NKAIN3: variants seen among roughly 807,000 people sequenced by gnomAD.
NKAIN3 encodes sodium/potassium transporting ATPase interacting 3, also known as sodium/potassium-transporting ATPase subunit beta-1-interacting protein 3.
A neutral mutation model predicts 30.2 loss-of-function variants in NKAIN3; 25 were observed. The observed-to-expected ratio is 0.83, with a 90% CI of 0.60 to 1.16. NKAIN3 has a LOEUF of 1.16. NKAIN3 is among the 50% of genes most tolerant of loss of function. NKAIN3 has a pLI of 0.00. For missense variants in NKAIN3, 225 were observed against 254.1 expected, an observed-to-expected ratio of 0.89 and a Z score of 0.78; for synonymous variants, 91 against 89.6, an observed-to-expected ratio of 1.02 and a Z score of -0.09.
At chr8:62,375,448 G>A (rs186475518) in intron 1 of NKAIN3, among the ~76,000 whole-genome samples, 176 of 152,268 alleles carry the variant, frequency 1.2e-3, no homozygotes, top group African/African-American at 4.0e-3. Flanking sequence ...TGGAGGGAGA[G>A]CTCAGACCTG....
intron 1 of NKAIN3, among the ~76,000 whole-genome samples, chr8:62,309,830 G>C (rs1814369985): frequency 6.6e-6 from 1 of 150,388 alleles, no homozygotes; most frequent in Admixed American, 6.6e-5. Context: ...TGACATACCA[G>C]TATATCTCCA....
At chr8:62,316,487 T>C (rs925089503) in intron 1 of NKAIN3, among the ~76,000 whole-genome samples, 1 of 151,960 alleles carries the variant, frequency 6.6e-6, no homozygotes, top group Non-Finnish European at 1.5e-5. Context: ...GTCCATGTGT[T>C]CTCATTGTTC....
chr8:62,757,382 G>A (rs1816486255), intron 4 of NKAIN3, among the ~76,000 whole-genome samples: 1 of 151,998 alleles, frequency 6.6e-6, no homozygotes, highest in Non-Finnish European at 1.5e-5. Context: ...CTTTCTAAAT[G>A]AAAACAAGCT....
intron 1 of NKAIN3, among the ~76,000 whole-genome samples, chr8:62,265,263 A>G (rs923854345): frequency 2.6e-5 from 4 of 152,212 alleles, no homozygotes; most frequent in Non-Finnish European, 4.4e-5. Flanking sequence ...CATGAAAGTG[A>G]CTATTCTATA....
intron 1 of NKAIN3, among the ~76,000 whole-genome samples, chr8:62,282,758 G>A (rs1265176377): frequency 6.6e-6 from 1 of 152,142 alleles, no homozygotes; most frequent in African/African-American, 2.4e-5. Flanking sequence ...TAGTGAAATT[G>A]TTTTTGAATA....
At chr8:62,908,186 G>C (rs1040522007) in intron 4 of NKAIN3, among the ~76,000 whole-genome samples, 1 of 152,172 alleles carries the variant, frequency 6.6e-6, no homozygotes, top group South Asian at 2.1e-4. Flanking sequence ...GACTTCCAAG[G>C]GGCCTGTAGC....
intron 1 of NKAIN3, among the ~76,000 whole-genome samples, chr8:62,263,496 G>A (rs374784986): frequency 2.6e-5 from 4 of 152,076 alleles, no homozygotes; most frequent in African/African-American, 9.7e-5. Flanking sequence ...TCAGCTGCTC[G>A]GCAGCCAAGC....
chr8:62,323,016 A>G lies in NKAIN3; in HGVS notation c.54+73889A>G, dbSNP rs185935339. 1.8e-3 allele frequency among the ~76,000 whole-genome samples: 280 copies of G among 152,352 alleles called. 1 individual carries two copies. The highest frequency in any genetic ancestry group is 6.4e-3 in the African/African-American group (267 of 41,582). On this transcript the variant is annotated intron_variant, in intron 1 of 6. Coordinates refer to ENST00000623646, the MANE Select transcript of NKAIN3 (RefSeq NM_001304533.3). ...GCTTATTAGAATGGCTAAATTCAAAACACTGACAGCATCCAATGCTGGAGA... is the reference window on the plus strand; with the variant it reads ...GCTTATTAGAATGGCTAAATTCAAAGCACTGACAGCATCCAATGCTGGAGA...
intron 5 of NKAIN3, among the ~76,000 whole-genome samples, chr8:62,939,119 C>A (rs1023367772): frequency 1.3e-5 from 2 of 152,028 alleles, no homozygotes; most frequent in African/African-American, 4.8e-5. Flanking sequence ...ACTGGGAAAT[C>A]TCAGCAATAA....
At chr8:62,341,588 T>C (rs1815748230) in intron 1 of NKAIN3, among the ~76,000 whole-genome samples, 1 of 152,082 alleles carries the variant, frequency 6.6e-6, no homozygotes, top group Non-Finnish European at 1.5e-5. Flanking sequence ...TTTGTTCAAA[T>C]ATGATTCAAT....
rs545054007 is a variant in NKAIN3, at chr8:62,677,182, C to G, written c.274-69750C>G. On this transcript the variant is annotated intron_variant, in intron 3 of 6. Coordinates refer to ENST00000623646, the MANE Select transcript of NKAIN3 (RefSeq NM_001304533.3). ...TGAGGTGCGTTCTCAGAAATAGCAC[C>G]TGTAAGGAAGGTAGGGACGCAGGGT... Among the ~76,000 whole-genome samples, 10 of 152,204 alleles carry G rather than the reference C, an allele frequency of 6.6e-5. No individual in the cohort carries two copies. The East Asian group carries it at 1.9e-3, about 29-fold the overall frequency.
At chr8:62,290,707 T>G (rs1234685261) in intron 1 of NKAIN3, among the ~76,000 whole-genome samples, 1 of 152,172 alleles carries the variant, frequency 6.6e-6, no homozygotes, top group Admixed American at 6.6e-5. Flanking sequence ...TTCTCTTTTT[T>G]TGTGTGTCTC....
intron 3 of NKAIN3, among the ~76,000 whole-genome samples, chr8:62,651,989 T>C (rs1812634988): frequency 6.6e-6 from 1 of 152,100 alleles, no homozygotes; most frequent in African/African-American, 2.4e-5. Context: ...AAAACCTCTT[T>C]TTCATTATAA....
chr8:62,296,423 C>A (rs1263597283), intron 1 of NKAIN3, among the ~76,000 whole-genome samples: 3 of 152,112 alleles, frequency 2.0e-5, no homozygotes, highest in Non-Finnish European at 2.9e-5. Flanking sequence ...GTGATAGGAA[C>A]CTAAGATGCT....
chr8:62,990,136 A>G, intron 5 of NKAIN3: 1 of 992,492 alleles, frequency 1.0e-6, no homozygotes, highest in Non-Finnish European at 1.5e-6. Flanking sequence ...AAATGTTGAT[A>G]TTTTAAAAAT....
chr8:62,277,142 T>C (rs764633296), intron 1 of NKAIN3, among the ~76,000 whole-genome samples: 2 of 152,184 alleles, frequency 1.3e-5, no homozygotes, highest in Non-Finnish European at 2.9e-5. Context: ...GTAAATACTA[T>C]TGAAATTAAT....
chr8:62,755,960 T>C (rs1816438715), intron 4 of NKAIN3, among the ~76,000 whole-genome samples: 1 of 152,182 alleles, frequency 6.6e-6, no homozygotes, highest in Non-Finnish European at 1.5e-5. Flanking sequence ...ACCTGGTCAG[T>C]CAAATTGTTG....
chr8:62,942,258 A>G (rs1822986195), intron 5 of NKAIN3, among the ~76,000 whole-genome samples: 1 of 146,362 alleles, frequency 6.8e-6, no homozygotes, highest in Non-Finnish European at 1.5e-5. Flanking sequence ...ATATATATAT[A>G]CACATATATA....
rs145621337 is a variant in NKAIN3, at chr8:62,889,114, A to G, written c.472-29339A>G. Among the ~76,000 whole-genome samples the G allele has an allele frequency of 1.1e-3, 163 of 152,310 alleles. 2 individuals carry two copies. The East Asian group carries it at 0.029, about 27-fold the overall frequency. On this transcript the variant is annotated intron_variant, in intron 4 of 6. Transcript: ENST00000623646. ...CCAGGCACGGTGACTCACGCCTGTAAACCCAGCACTTTGGGAGTCTGAGGC... is the reference window on the plus strand; with the variant it reads ...CCAGGCACGGTGACTCACGCCTGTAGACCCAGCACTTTGGGAGTCTGAGGC...
Sources: allele counts gnomAD v4.1 joint callset (sites outside exome capture counted in the v4.1 genomes callset), GRCh38; gene constraint gnomAD v4.1.1; transcripts MANE v1.5; gene names NCBI Gene and HGNC (gene_info 2026-07-23, HGNC 2026-07-21).